BTG1: variants seen among roughly 807,000 people sequenced by gnomAD.
The protein encoded by BTG1 is BTG anti-proliferation factor 1, also known as protein BTG1.
In BTG1, 2 loss-of-function variants were observed where a neutral mutation model predicts 15.2. The observed-to-expected ratio is 0.13, with a 90% CI of 0.05 to 0.41. The LOEUF (loss-of-function observed/expected upper bound fraction) is 0.41. BTG1 is among the 10% of genes least tolerant of loss of function. BTG1 has a pLI of 0.99. For missense variants in BTG1, 149 were observed against 215.0 expected (o/e 0.69, Z 1.92); for synonymous variants, 109 against 82.4 (o/e 1.32, Z -1.75).
At position 92,144,045 on chromosome 12, in the gene BTG1, C is replaced by A; in HGVS notation, c.*35G>T. ...ACCCAAAGCAAAAATCAAATTTATC[C>A]ATCATCATCAGATGATCCATCCACA... On this transcript the variant is annotated 3_prime_UTR_variant, in exon 2 of 2. Transcript: ENST00000256015. The A allele has an allele frequency of 6.3e-7, 1 of 1,596,828 alleles. No homozygotes were observed. Among genetic ancestry groups the A allele is most frequent in the South Asian group, 1.1e-5 (1 of 88,482 alleles).
chr12:92,143,078 GAA>G lies in BTG1; in HGVS notation c.*1000_*1001del. 4.3e-6 allele frequency: 1 copy of G among 232,574 alleles called. No individual in the cohort carries two copies. Among genetic ancestry groups the G allele is most frequent in the Admixed American group, 5.6e-5 (1 of 17,790 alleles). The allele number at this position is 232,574 out of a possible 1,614,324, so 14.4% of individuals were successfully genotyped here. On this transcript the variant is annotated 3_prime_UTR_variant, in exon 2 of 2. Coordinates refer to ENST00000256015, the MANE Select transcript of BTG1 (RefSeq NM_001731.3). ...TCAGTTTATAGAACCTGTCTTCTAA[GAA>G]AAAATACTTTTAGCTAAACCTCTAT...
Position 92,144,105 on chromosome 12 carries a change from T to G in BTG1, c.491A>C (p.Tyr164Ser). Residue 164 changes from tyrosine (Y) to serine (S), a missense_variant, in exon 2 of 2, where the codon TAC (tyrosine) becomes TCC (serine). Physicochemically the swap from Tyr to Ser is moderately radical, Grantham distance 144. Coordinates refer to ENST00000256015, the MANE Select transcript of BTG1 (RefSeq NM_001731.3). ...TTAACCTGATACAGTCATCATATTG[T>G]AGTTTTTGGAAGGGCTCGTTCTGCC... ...LLGRTSPSKN[Y>S]NMMTVSG 6.2e-7 allele frequency: 1 copy of G among 1,612,904 alleles called. No individual in the cohort carries two copies.
rs187402457 is a variant in BTG1 at position 92,141,965 on chromosome 12, C to A, written c.*2115G>T. 1 of 231,206 alleles carries A rather than the reference C, an allele frequency of 4.3e-6. No homozygotes were observed. The highest frequency in any genetic ancestry group is 2.2e-5 in the African/African-American group (1 of 45,204). The allele number at this position is 231,206 out of a possible 1,614,324, so 14.3% of individuals were successfully genotyped here. ...TACCAGATGAAATGTAGTTGGTAAACAACAGTAGTCAGCACTGGGGTGAGA... is the reference window on the plus strand; with the variant it reads ...TACCAGATGAAATGTAGTTGGTAAAAAACAGTAGTCAGCACTGGGGTGAGA... On this transcript the variant is annotated 3_prime_UTR_variant, in exon 2 of 2. Transcript: ENST00000256015.
rs554483144 is a variant in BTG1, at chr12:92,145,467, G to A, written c.69C>T (p.Ser23=). 1.3e-6 allele frequency: 2 copies of A among 1,591,784 alleles called. No homozygotes were observed. The highest frequency in any genetic ancestry group is 2.8e-5 in the African/African-American group (2 of 71,802). Residue 23 remains serine, a synonymous_variant, in exon 1 of 2, where the codon TCC becomes TCT. Transcript: ENST00000256015. ...TGAGCCCCTTGGTGCGGAGAAACTTGGAGATGAAGGACACGGCGGCGGCGA... is the reference window on the plus strand; with the variant it reads ...TGAGCCCCTTGGTGCGGAGAAACTTAGAGATGAAGGACACGGCGGCGGCGA... The part of the protein sequence containing the change: ...GEIAAAVSFI[S]KFLRTKGLTS...
Position 92,145,828 on chromosome 12 carries a change from T to G in BTG1, c.-293A>C. The G allele has an allele frequency of 4.1e-6, 1 of 242,574 alleles. No homozygotes were observed. Among genetic ancestry groups the G allele is most frequent in the East Asian group, 6.0e-5 (1 of 16,662 alleles). 15.0% of individuals were successfully genotyped at this position (242,574 alleles called of 1,614,324 possible). A position where few individuals can be genotyped will look rare whatever the true frequency, so the allele number is the denominator to read the frequency against. The stretch of plus-strand genomic sequence containing the variant: ...GCATTCGAAGATCTCAATAGCTGCA[T>G]TTCCAGCTCCGAGAGGCGAAGAGAT... On this transcript the variant is annotated 5_prime_UTR_variant, in exon 1 of 2. It removes an upstream start codon present in the reference 5' UTR. Coordinates refer to ENST00000256015, the MANE Select transcript of BTG1 (RefSeq NM_001731.3).
Position 92,143,771 on chromosome 12 carries a change from T to TA in BTG1, c.*308dup, listed in dbSNP as rs1443536290. On this transcript the variant is annotated 3_prime_UTR_variant, in exon 2 of 2. Transcript: ENST00000256015. ...GATTCTTTGAAATACAGATTTTCTTTAAAAGGATTGATGTAAAAATTTAGG... is the reference window on the plus strand; with the variant it reads ...GATTCTTTGAAATACAGATTTTCTTTAAAAAGGATTGATGTAAAAATTTAGG... 1 of 312,116 alleles carries TA rather than the reference T, an allele frequency of 3.2e-6. No homozygotes were observed. The highest frequency in any genetic ancestry group is 2.1e-5 in the African/African-American group (1 of 46,554). The allele number at this position is 312,116 out of a possible 1,614,324, so 19.3% of individuals were successfully genotyped here. A position where few individuals can be genotyped will look rare whatever the true frequency, so the allele number is the denominator to read the frequency against.
Position 92,142,495 on chromosome 12 carries a change from C to A in BTG1, c.*1585G>T, listed in dbSNP as rs753524918. 2.2e-5 allele frequency: 5 copies of A among 232,214 alleles called. No homozygotes were observed. The highest frequency in any genetic ancestry group is 1.1e-4 in the African/African-American group (5 of 45,264). The allele number at this position is 232,214 out of a possible 1,614,324, so 14.4% of individuals were successfully genotyped here. On this transcript the variant is annotated 3_prime_UTR_variant, in exon 2 of 2. Transcript: ENST00000256015. The stretch of plus-strand genomic sequence containing the variant: ...GGTAGTGAAGTAATCTACACTACAG[C>A]ATTATCAAGGTTCACTTAGGTTTTT...
rs200463735 is a variant in BTG1 at position 92,144,453 on chromosome 12, G to T, written c.149-6C>A. 25 of 1,611,362 alleles carry T rather than the reference G, an allele frequency of 1.6e-5. No individual in the cohort carries two copies. The African/African-American group carries it at 3.1e-4, about 20-fold the overall frequency. On this transcript the variant is annotated splice_region_variant and splice_polypyrimidine_tract_variant and intron_variant, in intron 1 of 1. Transcript: ENST00000256015. ...CCAGTGATGTTTATAATGTTCTATAGAAGAAAAGAAGAACAGAGAAACAAC... is the reference window on the plus strand; with the variant it reads ...CCAGTGATGTTTATAATGTTCTATATAAGAAAAGAAGAACAGAGAAACAAC...
chr12:92,142,699 G>A lies in BTG1; in HGVS notation c.*1381C>T, dbSNP rs983905629. On this transcript the variant is annotated 3_prime_UTR_variant, in exon 2 of 2. Transcript: ENST00000256015. Reference sequence around the variant, plus strand: ...CCAATCTCTCTGTGGTGTTTAGCCTGTTCTTTAAGACTATGGGTCACCTGC... The same window carrying A: ...CCAATCTCTCTGTGGTGTTTAGCCTATTCTTTAAGACTATGGGTCACCTGC... 3 of 232,972 alleles carry A rather than the reference G, an allele frequency of 1.3e-5. No individual in the cohort carries two copies. Among genetic ancestry groups the A allele is most frequent in the African/African-American group, 6.6e-5 (3 of 45,336 alleles). 14.4% of individuals were successfully genotyped at this position (232,972 alleles called of 1,614,324 possible).
In BTG1 at chr12:92,144,025, A is replaced by C. The variant is rs1216181900; in HGVS notation, c.*55T>G. ...TCCATCCCCAAGAGGAGCCCACCCA[A>C]AGCAAAAATCAAATTTATCCATCAT... On this transcript the variant is annotated 3_prime_UTR_variant, in exon 2 of 2. Transcript: ENST00000256015. 1.0e-5 allele frequency: 16 copies of C among 1,595,592 alleles called. No individual in the cohort carries two copies. The highest frequency in any genetic ancestry group is 1.4e-5 in the Non-Finnish European group (16 of 1,175,080).
Position 92,145,541 on chromosome 12 carries a change from C to A in BTG1, c.-6G>T. 1 of 1,490,612 alleles carries A rather than the reference C, an allele frequency of 6.7e-7. No homozygotes were observed. The highest frequency in any genetic ancestry group is 1.3e-5 in the South Asian group (1 of 74,212). The allele number at this position is 1,490,612 out of a possible 1,614,324, so 92.3% of individuals were successfully genotyped here. ...CGGGTGTAGAAGGGATGCATGGGGG[C>A]GGCGTGCGGGGGCGGCCCGGGGCGG... On this transcript the variant is annotated 5_prime_UTR_variant, in exon 1 of 2. Coordinates refer to ENST00000256015, the MANE Select transcript of BTG1 (RefSeq NM_001731.3).
rs1158982137 is a variant in BTG1 at position 92,141,094 on chromosome 12, T to C, written c.*2986A>G. The C allele has an allele frequency of 2.6e-5, 6 of 232,904 alleles. No homozygotes were observed. The East Asian group carries it at 3.6e-4, about 14-fold the overall frequency. 14.4% of individuals were successfully genotyped at this position (232,904 alleles called of 1,614,324 possible). On this transcript the variant is annotated 3_prime_UTR_variant, in exon 2 of 2. Coordinates refer to ENST00000256015, the MANE Select transcript of BTG1 (RefSeq NM_001731.3). Reference sequence around the variant, plus strand: ...AGATTAAAGGGAGCCTGGAAACCTGTAGTCATTAAACACTAGCCATCGGGA... The same window carrying C: ...AGATTAAAGGGAGCCTGGAAACCTGCAGTCATTAAACACTAGCCATCGGGA...
rs989002456 is a variant in BTG1, at chr12:92,142,389, A to C, written c.*1691T>G. The stretch of plus-strand genomic sequence containing the variant: ...CTATATGTTAACTGTGTAGAGCAAA[A>C]TTCAATTTTTCCACTTTCAATTTCC... On this transcript the variant is annotated 3_prime_UTR_variant, in exon 2 of 2. Transcript: ENST00000256015. 1.3e-5 allele frequency: 3 copies of C among 231,248 alleles called. No individual in the cohort carries two copies. The highest frequency in any genetic ancestry group is 1.1e-4 in the Admixed American group (2 of 17,734). The allele number at this position is 231,248 out of a possible 1,614,324, so 14.3% of individuals were successfully genotyped here. A position where few individuals can be genotyped will look rare whatever the true frequency, so the allele number is the denominator to read the frequency against.
rs1266854296 is a variant in BTG1, at chr12:92,142,350, C to G, written c.*1730G>C. 2.2e-5 allele frequency: 5 copies of G among 230,688 alleles called. No individual in the cohort carries two copies. The East Asian group carries it at 3.1e-4, about 14-fold the overall frequency. 14.3% of individuals were successfully genotyped at this position (230,688 alleles called of 1,614,324 possible). ...CAGTGTCAACATGTTTACATATATA[C>G]CAAAAAAAGGCCACTATATGTTAAC... On this transcript the variant is annotated 3_prime_UTR_variant, in exon 2 of 2. Coordinates refer to ENST00000256015, the MANE Select transcript of BTG1 (RefSeq NM_001731.3).
In BTG1 at chr12:92,141,376, C is replaced by G. The variant is rs752007180; in HGVS notation, c.*2704G>C. ...TTATCCTGCATGAACCAGGGTAACT[C>G]TTGCTATACAATCCACTTGAAGCCT... is the stretch of plus-strand genomic sequence containing the variant. On this transcript the variant is annotated 3_prime_UTR_variant, in exon 2 of 2. Coordinates refer to ENST00000256015, the MANE Select transcript of BTG1 (RefSeq NM_001731.3). 1 of 232,324 alleles carries G rather than the reference C, an allele frequency of 4.3e-6. No individual in the cohort carries two copies. The highest frequency in any genetic ancestry group is 8.5e-6 in the Non-Finnish European group (1 of 117,476). The allele number at this position is 232,324 out of a possible 1,614,324, so 14.4% of individuals were successfully genotyped here. A position where few individuals can be genotyped will look rare whatever the true frequency, so the allele number is the denominator to read the frequency against.
rs573134218 is a variant in BTG1, at chr12:92,142,753, A to G, written c.*1327T>C. 14 of 233,118 alleles carry G rather than the reference A, an allele frequency of 6.0e-5. 1 individual carries two copies. In the South Asian group the frequency reaches 2.0e-3, roughly 33 times the overall value. The allele number at this position is 233,118 out of a possible 1,614,324, so 14.4% of individuals were successfully genotyped here. A position where few individuals can be genotyped will look rare whatever the true frequency, so the allele number is the denominator to read the frequency against. On this transcript the variant is annotated 3_prime_UTR_variant, in exon 2 of 2. Transcript: ENST00000256015. Reference sequence around the variant, plus strand: ...GGGGAAATTTCTAATTGAACAAAGAATCCATGGGGCAAAGTAATTGTTTTT... The same window carrying G: ...GGGGAAATTTCTAATTGAACAAAGAGTCCATGGGGCAAAGTAATTGTTTTT...
chr12:92,144,503 C>A (rs1264703631), intron 1 of BTG1, 56 bp from the exon 2 acceptor site: 4 of 1,591,800 alleles, frequency 2.5e-6, no homozygotes, highest in East Asian at 2.2e-5. Context: ...GCTCCCACTG[C>A]GGATTCCTCC....
chr12:92,143,637 C>A lies in BTG1; in HGVS notation c.*443G>T, dbSNP rs149961969. On this transcript the variant is annotated 3_prime_UTR_variant, in exon 2 of 2. Coordinates refer to ENST00000256015, the MANE Select transcript of BTG1 (RefSeq NM_001731.3). ...AAGTCTTGTAAAATTTCCAGTACTA[C>A]CATGTTTAAAACGTTTAACTTTCCT... 228 of 250,952 alleles carry A rather than the reference C, an allele frequency of 9.1e-4. 1 individual carries two copies. Among genetic ancestry groups the A allele is most frequent in the African/African-American group, 4.9e-3 (222 of 45,538 alleles). The allele number at this position is 250,952 out of a possible 1,614,324, so 15.5% of individuals were successfully genotyped here.
In BTG1 at chr12:92,142,222, A is replaced by T. The variant is rs2136945690; in HGVS notation, c.*1858T>A. 4.3e-6 allele frequency: 1 copy of T among 231,842 alleles called. No homozygotes were observed. Among genetic ancestry groups the T allele is most frequent in the South Asian group, 1.8e-4 (1 of 5,512 alleles). 14.4% of individuals were successfully genotyped at this position (231,842 alleles called of 1,614,324 possible). A position where few individuals can be genotyped will look rare whatever the true frequency, so the allele number is the denominator to read the frequency against. ...GTGGCCTATTCCTGTGTTGTCTACA[A>T]AATCAGAATAATTTATTCCTGGGTG... On this transcript the variant is annotated 3_prime_UTR_variant, in exon 2 of 2. Coordinates refer to ENST00000256015, the MANE Select transcript of BTG1 (RefSeq NM_001731.3).
Sources: allele counts gnomAD v4.1 joint callset, GRCh38; gene constraint gnomAD v4.1.1; transcripts MANE v1.5; gene names NCBI Gene and HGNC (gene_info 2026-07-23, HGNC 2026-07-21).